Variants in DYSF observed in about 807,000 individuals in gnomAD.
DYSF encodes the protein dystrophy-associated fer-1-like 1.
Under a neutral mutation model 274.9 loss-of-function variants are expected in DYSF, and 212 were observed. The observed-to-expected ratio is 0.77, with a 90% confidence interval of 0.69 to 0.86. The LOEUF is 0.86. Among genes scored for constraint, DYSF ranks in the 40% least tolerant of loss-of-function variants. The pLI, the probability that DYSF is intolerant of heterozygous loss-of-function variation, is 0.00. For missense variants in DYSF, 2,666 were observed against 2,783.2 expected (o/e 0.96, Z 0.95); for synonymous variants, 1,091 against 1,078.7 (o/e 1.01, Z -0.22).
upstream of DYSF, among the ~76,000 whole-genome samples, chr2:71,464,062 A>G (rs779446370): frequency 1.3e-4 from 20 of 152,126 alleles, no homozygotes; most frequent in Middle Eastern, 3.2e-3. Context: ...CCCCACCCCC[A>G]TGCTCATCCT....
Position 71,511,808 on chromosome 2 carries a change from C to A in DYSF, c.347C>A (p.Ala116Asp). 1 of 1,547,814 alleles carries A rather than the reference C, an allele frequency of 6.5e-7. No homozygotes were observed. Among genetic ancestry groups the A allele is most frequent in the Non-Finnish European group, 8.7e-7 (1 of 1,143,658 alleles). ...LLDTKKQPTG[A>D]SLVLQVSYTP... Reference sequence around the variant, plus strand: ...TCCCCCACGTCTCATCTCTTCCAGGCCTCGCTGGTCCTGCAGGTGTCCTAC... The same window carrying A: ...TCCCCCACGTCTCATCTCTTCCAGGACTCGCTGGTCCTGCAGGTGTCCTAC... Residue 116 changes from alanine to aspartate, a missense_variant and splice_region_variant, in exon 5 of 56, where the codon GCC (alanine) becomes GAC (aspartate). Coordinates refer to ENST00000410020, the MANE Select transcript of DYSF (RefSeq NM_001130987.2).
intron 47 of DYSF, 130 bp from the exon 48 acceptor site, chr2:71,667,245 TG>T: frequency 7.7e-7 from 1 of 1,304,156 alleles, no homozygotes; most frequent in African/African-American, 1.5e-5. Context: ...GCATCTGTGC[TG>T]GGGGTGAGGC....
At chr2:71,658,345 C>T (rs1379948391) in intron 43 of DYSF, among the ~76,000 whole-genome samples, 1 of 152,178 alleles carries the variant, frequency 6.6e-6, no homozygotes, top group African/African-American at 2.4e-5. Context: ...TAGGAAGTTC[C>T]ATAGTTTTCC....
At chr2:71,632,689 T>TCATTCACCTACTGGCTAGGTTC (rs1274114709) in intron 41 of DYSF, among the ~76,000 whole-genome samples, 1 of 152,206 alleles carries the variant, frequency 6.6e-6, no homozygotes, top group African/African-American at 2.4e-5. Flanking sequence ...GAAGCTTCTT[T>TCATTCACCTACTGGCTAGGTTC]CATTCACCTA....
chr2:71,682,667 A>G lies in DYSF; in HGVS notation c.6311A>G (p.Tyr2104Cys). ...CTGCTGTTCCTGGCCATCTTCATCT[A>G]CGCCTTCCCGGTGAGCAGGCCTGAC... ...ILLLFLAIFI[Y>C]AFPNYAAMKL... is the part of the protein sequence containing the mutation. Residue 2104 changes from tyrosine to cysteine, a missense_variant, in exon 55 of 56, where the codon TAC becomes TGC. By Grantham distance (194) the Tyr-to-Cys change is radical. Around this residue, in one of 3 missense-constraint regions of DYSF, gnomAD observed 1,460 missense variants for 1,502.1 expected, o/e 0.97. Transcript: ENST00000410020. 6.2e-7 allele frequency: 1 copy of G among 1,613,810 alleles called. No individual in the cohort carries two copies. The highest frequency in any genetic ancestry group is 8.5e-7 in the Non-Finnish European group (1 of 1,179,910).
chr2:71,505,603 G>C (rs2085401621), intron 4 of DYSF, among the ~76,000 whole-genome samples: 1 of 152,226 alleles, frequency 6.6e-6, no homozygotes. Context: ...ACGCTGGGCT[G>C]TGTGCCATGG....
intron 30 of DYSF, among the ~76,000 whole-genome samples, chr2:71,587,472 T>A (rs1213171762): frequency 6.6e-6 from 1 of 152,208 alleles, no homozygotes; most frequent in African/African-American, 2.4e-5. Flanking sequence ...TCCCAGCACA[T>A]GACAAACTTT....
At chr2:71,605,576 G>C (rs2093632099) in intron 36 of DYSF, among the ~76,000 whole-genome samples, 1 of 152,120 alleles carries the variant, frequency 6.6e-6, no homozygotes, top group Non-Finnish European at 1.5e-5. Flanking sequence ...TGCTTCTGCT[G>C]CTGCTCTCCT....
At chr2:71,607,642 G>T (rs1245540951) in intron 36 of DYSF, among the ~76,000 whole-genome samples, 3 of 152,148 alleles carry the variant, frequency 2.0e-5, no homozygotes, top group Non-Finnish European at 2.9e-5. Context: ...CTGAGCAAAG[G>T]AGATGGGTGG....
intron 20 of DYSF, 56 bp from the exon 21 acceptor site, chr2:71,553,751 C>T: frequency 3.8e-6 from 4 of 1,045,048 alleles, no homozygotes; most frequent in Non-Finnish European, 4.2e-6. Context: ...CTTAGCACCC[C>T]ATCCCACCCG....
At chr2:71,466,664 G>T (rs1009876918), upstream of DYSF, 2 of 1,328,386 alleles carry the variant, frequency 1.5e-6, no homozygotes, top group South Asian at 2.0e-5. Flanking sequence ...GCGGGTGTCC[G>T]GTGTCCTCCC....
intron 41 of DYSF, among the ~76,000 whole-genome samples, chr2:71,634,641 A>G (rs1057135446): frequency 4.6e-5 from 7 of 152,092 alleles, no homozygotes; most frequent in Non-Finnish European, 1.5e-5. Context: ...GTGAGCCCAC[A>G]TTTTTCCTGA....
At chr2:71,550,515 C>A (rs1005680903) in intron 17 of DYSF, among the ~76,000 whole-genome samples, 1 of 151,648 alleles carries the variant, frequency 6.6e-6, no homozygotes, top group Non-Finnish European at 1.5e-5. Context: ...TGGGCTCCAT[C>A]CCTGGCCTCC....
chr2:71,545,588 G>A (rs1339556099), intron 17 of DYSF, among the ~76,000 whole-genome samples: 1 of 152,184 alleles, frequency 6.6e-6, no homozygotes. Flanking sequence ...TCACAGGTCA[G>A]TACTCTTGGT....
intron 32 of DYSF, among the ~76,000 whole-genome samples, chr2:71,595,182 A>T (rs1032505550): frequency 2.6e-5 from 4 of 152,268 alleles, no homozygotes; most frequent in African/African-American, 9.6e-5. Flanking sequence ...TTCCAGCAAT[A>T]AAGGAGAGTA....
At chr2:71,589,393 A>C (rs1255941981) in intron 30 of DYSF, among the ~76,000 whole-genome samples, 200 bp from the exon 31 acceptor site, 6 of 152,204 alleles carry the variant, frequency 3.9e-5, no homozygotes, top group African/African-American at 1.4e-4. Context: ...AATTTCCTAC[A>C]GTCCTTTGGT....
At position 71,551,520 on chromosome 2, in the gene DYSF, G is replaced by C. The variant is rs2090943148; in HGVS notation, c.1693-87G>C. 1.0e-5 allele frequency: 12 copies of C among 1,166,886 alleles called. No individual in the cohort carries two copies. In the South Asian group the frequency reaches 1.6e-4, roughly 15 times the overall value. The allele number at this position is 1,166,886 out of a possible 1,614,324, so 72.3% of individuals were successfully genotyped here. ...GGGACCTCCTGGGTGCCTGAGAGAT[G>C]AGCTACCTCAGGGCCAGAGGGTGCC... On this transcript the variant is annotated intron_variant, in intron 18 of 55. Coordinates refer to ENST00000410020, the MANE Select transcript of DYSF (RefSeq NM_001130987.2).
chr2:71,629,851 A>G (rs191616772), intron 41 of DYSF, among the ~76,000 whole-genome samples: 1 of 152,292 alleles, frequency 6.6e-6, no homozygotes, highest in East Asian at 1.9e-4. Context: ...CAATGTCTTT[A>G]TTAGAGGTTT....
chr2:71,568,389 A>G (rs2092236412), intron 26 of DYSF, 51 bp downstream of exon 26: 1 of 1,605,786 alleles, frequency 6.2e-7, no homozygotes, highest in Non-Finnish European at 8.5e-7. Context: ...GCTGCCCACC[A>G]TGGACTGCAC....
Sources: gnomAD v4.1 joint callset for allele counts (sites outside exome capture counted in the v4.1 genomes callset) on GRCh38, gnomAD v4.1.1 for gene constraint, gnomAD v4.1.1 regional missense constraint, MANE v1.5 for transcripts, NCBI Gene and HGNC (gene_info 2026-07-23, HGNC 2026-07-21) for gene names.